SSBP2: variants seen among roughly 807,000 people sequenced by gnomAD.
SSBP2 encodes single-stranded DNA-binding protein 2.
In SSBP2, 17 loss-of-function variants were observed where a neutral mutation model predicts 61.8. That is an observed-to-expected ratio of 0.28 (90% confidence interval 0.19 to 0.41). The LOEUF (loss-of-function observed/expected upper bound fraction) is 0.41. Among genes scored for constraint, SSBP2 ranks in the 10% least tolerant of loss-of-function variants. SSBP2 has a pLI of 1.00. For synonymous variants in SSBP2, 139 were observed against 141.3 expected (o/e 0.98, Z 0.12); for missense variants, 310 against 458.7 (o/e 0.68, Z 2.96).
intron 1 of SSBP2, among the ~76,000 whole-genome samples, chr5:81,705,213 G>A (rs1326430411): frequency 6.6e-6 from 1 of 152,088 alleles, no homozygotes; most frequent in Admixed American, 6.6e-5. Flanking sequence ...CATAGTGATA[G>A]GGGAGAGGAA....
At chr5:81,607,559 A>G (rs914065405) in intron 4 of SSBP2, among the ~76,000 whole-genome samples, 1 of 152,178 alleles carries the variant, frequency 6.6e-6, no homozygotes, top group Admixed American at 6.5e-5. Flanking sequence ...AAACATAGCT[A>G]CATTGAAGAA....
chr5:81,728,051 G>A (rs994172126), intron 1 of SSBP2, among the ~76,000 whole-genome samples: 3 of 152,140 alleles, frequency 2.0e-5, no homozygotes, highest in African/African-American at 7.2e-5. Context: ...AGGCTATGGG[G>A]GATCAGGAAT....
chr5:81,423,273 T>C (rs982441253), intron 16 of SSBP2, among the ~76,000 whole-genome samples: 2 of 152,230 alleles, frequency 1.3e-5, no homozygotes, highest in African/African-American at 2.4e-5. Flanking sequence ...TCATGAAATG[T>C]AGCTAGTACA....
intron 4 of SSBP2, among the ~76,000 whole-genome samples, chr5:81,554,351 C>A (rs978561584): frequency 1.3e-5 from 2 of 151,512 alleles, no homozygotes; most frequent in African/African-American, 4.8e-5. Context: ...TCATTCAAAA[C>A]CATTTCATTA....
intron 13 of SSBP2, among the ~76,000 whole-genome samples, chr5:81,442,232 C>T (rs1414332347): frequency 6.6e-6 from 1 of 151,954 alleles, no homozygotes. Flanking sequence ...GTCTAGATTT[C>T]ATATTCTAAA....
At chr5:81,580,699 T>C (rs987904900) in intron 4 of SSBP2, among the ~76,000 whole-genome samples, 1 of 150,860 alleles carries the variant, frequency 6.6e-6, no homozygotes, top group Non-Finnish European at 1.5e-5. Context: ...TCAAGGTACT[T>C]ATAAGGGAAA....
chr5:81,659,725 A>G (rs1231074246), intron 1 of SSBP2, among the ~76,000 whole-genome samples: 1 of 152,190 alleles, frequency 6.6e-6, no homozygotes, highest in African/African-American at 2.4e-5. Context: ...CTAAGCAAAA[A>G]GAACTAAGCT....
At chr5:81,606,134 G>A (rs1485453776) in intron 4 of SSBP2, among the ~76,000 whole-genome samples, 2 of 152,090 alleles carry the variant, frequency 1.3e-5, no homozygotes, top group South Asian at 2.1e-4. Flanking sequence ...AAGGAAACTA[G>A]TATTAAAAAG....
At chr5:81,666,868 C>T (rs1751178616) in intron 1 of SSBP2, among the ~76,000 whole-genome samples, 1 of 152,122 alleles carries the variant, frequency 6.6e-6, no homozygotes. Context: ...TTATATCCTC[C>T]CAAGACACTG....
intron 1 of SSBP2, among the ~76,000 whole-genome samples, chr5:81,740,479 A>T (rs1241877387): frequency 2.0e-5 from 3 of 152,206 alleles, no homozygotes; most frequent in African/African-American, 7.2e-5. Context: ...TATTTTTTCT[A>T]ATAGCCAGTA....
chr5:81,455,625 CAAAAAAAAAAA>C (rs537363119), intron 10 of SSBP2, among the ~76,000 whole-genome samples: 2 of 12,562 alleles, frequency 1.6e-4, no homozygotes, highest in Non-Finnish European at 2.1e-4. Context: ...GACTCCGTCT[CAAAAAAAAAAA>C]AAAAAAAAAA....
chr5:81,684,727 T>C (rs1007380189), intron 1 of SSBP2, among the ~76,000 whole-genome samples: 1 of 152,174 alleles, frequency 6.6e-6, no homozygotes, highest in Admixed American at 6.5e-5. Context: ...AACTAACTTG[T>C]TTTTTATTTC....
chr5:81,518,819 G>T (rs1201323252), intron 4 of SSBP2, among the ~76,000 whole-genome samples: 1 of 152,032 alleles, frequency 6.6e-6, no homozygotes, highest in Non-Finnish European at 1.5e-5. Flanking sequence ...AAGAAATCAG[G>T]AATAAGAAAA....
At chr5:81,528,811 G>C (rs1463656995) in intron 4 of SSBP2, among the ~76,000 whole-genome samples, 1 of 151,970 alleles carries the variant, frequency 6.6e-6, no homozygotes, top group East Asian at 1.9e-4. Flanking sequence ...CAATTTACAA[G>C]CAAGTTATAA....
chr5:81,478,598 A>G (rs912664559), intron 6 of SSBP2, among the ~76,000 whole-genome samples: 6 of 151,980 alleles, frequency 3.9e-5, no homozygotes, highest in Admixed American at 2.0e-4. Context: ...CAGCCTCCCA[A>G]AGTGTTGGGA....
intron 1 of SSBP2, among the ~76,000 whole-genome samples, chr5:81,687,100 G>A (rs1277446405): frequency 6.6e-6 from 1 of 152,174 alleles, no homozygotes; most frequent in Non-Finnish European, 1.5e-5. Flanking sequence ...GCACTGAAGA[G>A]AGTAGAAAAG....
chr5:81,633,653 G>A (rs1208463833), intron 3 of SSBP2, among the ~76,000 whole-genome samples: 6 of 151,882 alleles, frequency 4.0e-5, no homozygotes, highest in African/African-American at 9.7e-5. Flanking sequence ...CTATAGACAC[G>A]CACCACTGCA....
At chr5:81,506,717 G>C (rs1768208426) in intron 5 of SSBP2, among the ~76,000 whole-genome samples, 1 of 152,110 alleles carries the variant, frequency 6.6e-6, no homozygotes, top group Non-Finnish European at 1.5e-5. Flanking sequence ...TAGGAAGTCT[G>C]AATAGGAATA....
At chr5:81,489,801 A>G (rs1766715817) in intron 5 of SSBP2, among the ~76,000 whole-genome samples, 1 of 152,144 alleles carries the variant, frequency 6.6e-6, no homozygotes. Context: ...TTTCTTTTCC[A>G]AGGGTCATCT....
Sources: gnomAD v4.1 joint callset for allele counts (sites outside exome capture counted in the v4.1 genomes callset) on GRCh38, gnomAD v4.1.1 for gene constraint, MANE v1.5 for transcripts, NCBI Gene and HGNC (gene_info 2026-07-23, HGNC 2026-07-21) for gene names.